The following RAMAC variants were observed in gnomAD, a reference collection of about 807,000 sequenced individuals.
The protein encoded by RAMAC is RNA guanine-7 methyltransferase activating subunit, also known as RNA guanine-N7 methyltransferase activating subunit.
Under a neutral mutation model 17.9 loss-of-function variants are expected in RAMAC, and 11 were observed. The ratio of observed to expected loss-of-function variants is 0.61; its 90% confidence interval spans 0.39 to 1.02. The LOEUF (loss-of-function observed/expected upper bound fraction) is 1.02. Ranked by LOEUF, RAMAC falls within the 50% of genes least tolerant of loss-of-function variation. RAMAC has a pLI of 0.01. For missense variants in RAMAC, 109 were observed against 144.0 expected (o/e 0.76, Z 1.25); for synonymous variants, 27 against 48.4 (o/e 0.56, Z 1.84).
In RAMAC at chr15:82,990,785, TAAG is replaced by T. The variant is rs2030826860; in HGVS notation, c.*721_*723del. 8 of 717,610 alleles carry T rather than the reference TAAG, an allele frequency of 1.1e-5. No individual in the cohort carries two copies. The highest frequency in any genetic ancestry group is 1.8e-5 in the African/African-American group (1 of 56,378). The allele number at this position is 717,610 out of a possible 1,614,324, so 44.5% of individuals were successfully genotyped here. On this transcript the variant is annotated 3_prime_UTR_variant, in exon 4 of 4. Transcript: ENST00000304191. ...AACATAGCAGGTCAAAATTCACACA[TAAG>T]AAAGTTTAACTCTGTACTGTTCACA...
In RAMAC at chr15:82,990,557, T is replaced by G. The variant is rs1404525666; in HGVS notation, c.*490T>G. The G allele has an allele frequency of 8.8e-6, 9 of 1,024,000 alleles. No homozygotes were observed. The highest frequency in any genetic ancestry group is 9.8e-6 in the Non-Finnish European group (7 of 714,960). 63.4% of individuals were successfully genotyped at this position (1,024,000 alleles called of 1,614,324 possible). A position where few individuals can be genotyped will look rare whatever the true frequency, so the allele number is the denominator to read the frequency against. On this transcript the variant is annotated 3_prime_UTR_variant, in exon 4 of 4. Coordinates refer to ENST00000304191, the MANE Select transcript of RAMAC (RefSeq NM_031452.4). ...TAAAACAATTGCTTTTTTTTTTTTTTGCATTTGTTAAGTGACTATGGTACT... is the reference window on the plus strand; with the variant it reads ...TAAAACAATTGCTTTTTTTTTTTTTGGCATTTGTTAAGTGACTATGGTACT...
In RAMAC at chr15:82,990,722, C is replaced by G. The variant is rs2030821774; in HGVS notation, c.*655C>G. 2 of 1,314,468 alleles carry G rather than the reference C, an allele frequency of 1.5e-6. No individual in the cohort carries two copies. Among genetic ancestry groups the G allele is most frequent in the Admixed American group, 2.1e-5 (1 of 48,588 alleles). The allele number at this position is 1,314,468 out of a possible 1,614,324, so 81.4% of individuals were successfully genotyped here. ...TCTGGTGGTGGTTGGGATAAGGGTA[C>G]ACATCATTTTATACAAACACTAAAG... is the stretch of plus-strand genomic sequence containing the variant. On this transcript the variant is annotated 3_prime_UTR_variant, in exon 4 of 4. Coordinates refer to ENST00000304191, the MANE Select transcript of RAMAC (RefSeq NM_031452.4).
At position 82,990,878 on chromosome 15, in the gene RAMAC, C is replaced by T. The variant is rs2030829753; in HGVS notation, c.*811C>T. 2.1e-6 allele frequency: 1 copy of T among 469,964 alleles called. No individual in the cohort carries two copies. The highest frequency in any genetic ancestry group is 3.8e-6 in the Non-Finnish European group (1 of 262,284). 29.1% of individuals were successfully genotyped at this position (469,964 alleles called of 1,614,324 possible). A position where few individuals can be genotyped will look rare whatever the true frequency, so the allele number is the denominator to read the frequency against. ...TTACTTTTTTGGTATTTAATGTGGG[C>T]TGATTTTACAATGTTATATTCACTT... On this transcript the variant is annotated 3_prime_UTR_variant, in exon 4 of 4. Transcript: ENST00000304191.
At chr15:82,989,242 A>C (rs2030756739) in intron 3 of RAMAC, 54 bp downstream of exon 3, 2 of 1,578,034 alleles carry the variant, frequency 1.3e-6, no homozygotes, top group South Asian at 1.2e-5. Flanking sequence ...GGATAGCTTT[A>C]ATCTGCTAGA....
intron 2 of RAMAC, chr15:82,988,470 A>C (rs953544959): frequency 2.6e-5 from 5 of 190,474 alleles, no homozygotes; most frequent in African/African-American, 9.6e-5. Context: ...CAGACTAATG[A>C]AGAAGTTATC....
Position 82,990,776 on chromosome 15 carries a change from A to G in RAMAC, c.*709A>G. On this transcript the variant is annotated 3_prime_UTR_variant, in exon 4 of 4. Transcript: ENST00000304191. ...TTTGCTAACAACATAGCAGGTCAAA[A>G]TTCACACATAAGAAAGTTTAACTCT... The G allele has an allele frequency of 1.3e-6, 1 of 768,982 alleles. No homozygotes were observed. 47.6% of individuals were successfully genotyped at this position (768,982 alleles called of 1,614,324 possible). A position where few individuals can be genotyped will look rare whatever the true frequency, so the allele number is the denominator to read the frequency against.
chr15:82,989,791 G>A, intron 3 of RAMAC, 90 bp from the exon 4 acceptor site: 1 of 1,465,576 alleles, frequency 6.8e-7, no homozygotes, highest in Non-Finnish European at 9.2e-7. Flanking sequence ...TTGTGTATTA[G>A]AATGAGAAAC....
At position 82,989,073 on chromosome 15, in the gene RAMAC, T is replaced by G; in HGVS notation, c.55T>G (p.Phe19Val). 6.2e-7 allele frequency: 1 copy of G among 1,613,780 alleles called. No homozygotes were observed. Among genetic ancestry groups the G allele is most frequent in the South Asian group, 1.1e-5 (1 of 91,044 alleles). ...GTTTGAAGAGATGTTTGCTAGTAGA[T>G]TCACAGAAAATGACAAGGAGTATCA... ...PKFEEMFASR[F>V]TENDKEYQEY... The change falls in exon 3 of 4, where the codon TTC becomes GTC. Residue 19 changes from phenylalanine (F) to valine (V), a missense_variant. Coordinates refer to ENST00000304191, the MANE Select transcript of RAMAC (RefSeq NM_031452.4).
chr15:82,988,031 G>T, intron 2 of RAMAC, among the ~76,000 whole-genome samples: 1 of 99,742 alleles, frequency 1.0e-5, no homozygotes, highest in Admixed American at 1.3e-4. Flanking sequence ...GTGAAACTCC[G>T]TCTCAAAAAA....
chr15:82,988,031 G>A (rs1350566874), intron 2 of RAMAC, among the ~76,000 whole-genome samples: 3 of 99,706 alleles, frequency 3.0e-5, no homozygotes, highest in Admixed American at 1.3e-4. Flanking sequence ...GTGAAACTCC[G>A]TCTCAAAAAA....
chr15:82,986,675 T>G (rs1176341871), intron 1 of RAMAC, among the ~76,000 whole-genome samples: 1 of 152,200 alleles, frequency 6.6e-6, no homozygotes, highest in Non-Finnish European at 1.5e-5. Flanking sequence ...CCCATTCTGG[T>G]TGGTTATTTC....
chr15:82,990,056 G>A lies in RAMAC; in HGVS notation c.346G>A (p.Gly116Ser), dbSNP rs200149891. 563 of 1,406,700 alleles carry A rather than the reference G, an allele frequency of 4.0e-4. No individual in the cohort carries two copies. Among genetic ancestry groups the A allele is most frequent in the Non-Finnish European group, 5.0e-4 (517 of 1,042,938 alleles). The allele number at this position is 1,406,700 out of a possible 1,614,324, so 87.1% of individuals were successfully genotyped here. Residue 116 changes from glycine (G) to serine (S), a missense_variant, in exon 4 of 4, where the codon GGT (glycine) becomes AGT (serine). Coordinates refer to ENST00000304191, the MANE Select transcript of RAMAC (RefSeq NM_031452.4). ...HYGYNQRPPY[G>S]YY ...TGGTTACAACCAGCGGCCTCCTTAC[G>A]GTTACTACTGATAGAAATGTTGGCA...
Position 82,990,714 on chromosome 15 carries a change from T to C in RAMAC, c.*647T>C, listed in dbSNP as rs901532780. On this transcript the variant is annotated 3_prime_UTR_variant, in exon 4 of 4. Transcript: ENST00000304191. ...TGTCTTGATCTGGTGGTGGTTGGGA[T>C]AAGGGTACACATCATTTTATACAAA... 8.7e-6 allele frequency: 12 copies of C among 1,374,520 alleles called. No individual in the cohort carries two copies. The highest frequency in any genetic ancestry group is 2.0e-5 in the Admixed American group (1 of 50,226). The allele number at this position is 1,374,520 out of a possible 1,614,324, so 85.1% of individuals were successfully genotyped here.
At chr15:82,989,446 T>C (rs777308775) in intron 3 of RAMAC, among the ~76,000 whole-genome samples, 1 of 152,276 alleles carries the variant, frequency 6.6e-6, no homozygotes, top group Non-Finnish European at 1.5e-5. Flanking sequence ...ATATTTTCAA[T>C]GCAAATCTAC....
chr15:82,987,542 C>T (rs190356134), intron 2 of RAMAC, among the ~76,000 whole-genome samples, 158 bp downstream of exon 2: 1 of 152,290 alleles, frequency 6.6e-6, no homozygotes, highest in East Asian at 1.9e-4. Context: ...ATGATTTTTA[C>T]TGCCCATCTG....
rs1456008337 is a variant in RAMAC at position 82,986,267 on chromosome 15, C to T, written c.-161C>T. ...GGTTACATTGGAGAACTGGAGTGGT[C>T]TGGAGTTCCACGGTGTAGTGGACCA... On this transcript the variant is annotated 5_prime_UTR_variant, in exon 1 of 4. Coordinates refer to ENST00000304191, the MANE Select transcript of RAMAC (RefSeq NM_031452.4). 5.2e-6 allele frequency: 1 copy of T among 191,428 alleles called. No homozygotes were observed. Among genetic ancestry groups the T allele is most frequent in the Non-Finnish European group, 9.6e-6 (1 of 104,042 alleles). 11.9% of individuals were successfully genotyped at this position (191,428 alleles called of 1,614,324 possible).
In RAMAC at chr15:82,990,480, GCA is replaced by G. The variant is rs2030807769; in HGVS notation, c.*416_*417del. On this transcript the variant is annotated 3_prime_UTR_variant, in exon 4 of 4. Coordinates refer to ENST00000304191, the MANE Select transcript of RAMAC (RefSeq NM_031452.4). ...AGGTTGATATAATCAGCTCATGAATGCACAGCTATGCTTTTTGTGATAGATTG... is the reference window on the plus strand; with the variant it reads ...AGGTTGATATAATCAGCTCATGAATGCAGCTATGCTTTTTGTGATAGATTG... The G allele has an allele frequency of 5.1e-6, 3 of 583,594 alleles. No homozygotes were observed. In the East Asian group the frequency reaches 8.5e-5, roughly 16 times the overall value. 36.2% of individuals were successfully genotyped at this position (583,594 alleles called of 1,614,324 possible).
chr15:82,989,008 A>C lies in RAMAC; in HGVS notation c.-9-2A>C, dbSNP rs199910176. 275 of 1,592,778 alleles carry C rather than the reference A, an allele frequency of 1.7e-4. 1 individual carries two copies. In the African/African-American group the frequency reaches 3.5e-3, roughly 20 times the overall value. ...AATGGAAATGTCTTTAAAATTGTAC[A>C]GATTTTCAGAATGACTGACACTGCC... is the stretch of plus-strand genomic sequence containing the variant. On this transcript the variant is annotated splice_acceptor_variant, in intron 2 of 3. Coordinates refer to ENST00000304191, the MANE Select transcript of RAMAC (RefSeq NM_031452.4). LOFTEE classifies it low-confidence loss of function (5UTR_SPLICE).
chr15:82,990,727 C>A lies in RAMAC; in HGVS notation c.*660C>A. 1.6e-6 allele frequency: 2 copies of A among 1,258,988 alleles called. No homozygotes were observed. Among genetic ancestry groups the A allele is most frequent in the South Asian group, 2.6e-5 (2 of 76,692 alleles). The allele number at this position is 1,258,988 out of a possible 1,614,324, so 78.0% of individuals were successfully genotyped here. A position where few individuals can be genotyped will look rare whatever the true frequency, so the allele number is the denominator to read the frequency against. ...TGGTGGTTGGGATAAGGGTACACAT[C>A]ATTTTATACAAACACTAAAGCTTTT... On this transcript the variant is annotated 3_prime_UTR_variant, in exon 4 of 4. Transcript: ENST00000304191.
Sources: allele counts gnomAD v4.1 joint callset (sites outside exome capture counted in the v4.1 genomes callset), GRCh38; gene constraint gnomAD v4.1.1; transcripts MANE v1.5; gene names NCBI Gene and HGNC (gene_info 2026-07-23, HGNC 2026-07-21).